The following ATRX variants were observed in gnomAD, a reference collection of about 807,000 sequenced individuals.
ATRX encodes chromatin remodeler ATRX.
A neutral mutation model predicts 172.6 loss-of-function variants in ATRX; 12 were observed. The ratio of observed to expected loss-of-function variants is 0.07; its 90% CI spans 0.04 to 0.11. The LOEUF is 0.11. ATRX is among the 10% of genes least tolerant of loss of function. ATRX has a pLI of 1.00. For missense variants in ATRX, 1,368 were observed against 1,767.4 expected (o/e 0.77, Z 4.05); for synonymous variants, 674 against 594.7 (o/e 1.13, Z -1.94).
At chrX:77,716,663 A>G (rs2073446123) in intron 2 of ATRX, among the ~76,000 whole-genome samples, 1 of 110,784 alleles carries the variant, frequency 9.0e-6, no homozygotes, top group Admixed American at 9.7e-5. Context: ...GAATAGCTTG[A>G]GCCCAAGAGG....
At chrX:77,551,851 C>G (rs1485603959) in intron 30 of ATRX, among the ~76,000 whole-genome samples, 1 of 111,970 alleles carries the variant, frequency 8.9e-6, no homozygotes, top group African/African-American at 3.3e-5. Flanking sequence ...TTTATGCAGC[C>G]AACAGACACA....
chrX:77,516,727 T>C (rs1484989299), intron 34 of ATRX, among the ~76,000 whole-genome samples: 1 of 112,041 alleles, frequency 8.9e-6, no homozygotes. Context: ...TTCTGCACTA[T>C]AGACCAAATA....
chrX:77,670,671 C>A (rs1470913911), intron 10 of ATRX, among the ~76,000 whole-genome samples: 1 of 109,039 alleles, frequency 9.2e-6, no homozygotes, highest in Admixed American at 9.9e-5. Flanking sequence ...AAGTGAATCA[C>A]CTGTACCCAG....
chrX:77,661,512 CTAT>C (rs782540329), intron 12 of ATRX, among the ~76,000 whole-genome samples: 14 of 109,309 alleles, frequency 1.3e-4, no homozygotes, highest in African/African-American at 4.7e-4. Flanking sequence ...CCTTTAGAGC[CTAT>C]TATATTTCCC....
chrX:77,519,612 C>G (rs373212569), intron 34 of ATRX, among the ~76,000 whole-genome samples: 3 of 111,443 alleles, frequency 2.7e-5, no homozygotes, highest in African/African-American at 9.8e-5. Flanking sequence ...GAAATATCAT[C>G]TTACCCCAGT....
intron 7 of ATRX, among the ~76,000 whole-genome samples, chrX:77,687,375 A>AT (rs1259553684): frequency 1.8e-5 from 2 of 111,280 alleles, no homozygotes; most frequent in African/African-American, 6.5e-5. Flanking sequence ...GGTAGGACAT[A>AT]TTATGAGAGA....
chrX:77,769,298 G>C (rs111724184), intron 1 of ATRX, among the ~76,000 whole-genome samples: 1 of 101,684 alleles, frequency 9.8e-6, no homozygotes, highest in Non-Finnish European at 2.0e-5. Flanking sequence ...TTTTTTTTGA[G>C]ACTGAGTCTC....
At position 77,767,263 on chromosome X, in the gene ATRX, G is replaced by A. The variant is rs1281727653; in HGVS notation, c.20+18719C>T. ...AGAGGGAGAGAGGGAGAGAGGGAGAGAGGGAGAGGGGGAGAGGGGGAGAGA... is the reference window on the plus strand; with the variant it reads ...AGAGGGAGAGAGGGAGAGAGGGAGAAAGGGAGAGGGGGAGAGGGGGAGAGA... On this transcript the variant is annotated intron_variant, in intron 1 of 34. Transcript: ENST00000373344. 3.7e-5 allele frequency among the ~76,000 whole-genome samples: 4 copies of A among 108,362 alleles called. No homozygotes were observed. In the East Asian group the frequency reaches 8.9e-4, roughly 24 times the overall value. 94.1% of individuals were successfully genotyped at this position (108,362 alleles called of 115,157 possible).
chrX:77,505,339 GC>G lies in ATRX; in HGVS notation c.*3011del, dbSNP rs2147450041. 2 of 174,482 alleles carry G rather than the reference GC, an allele frequency of 1.1e-5. No individual in the cohort carries two copies. The highest frequency in any genetic ancestry group is 1.6e-4 in the East Asian group (2 of 12,318). The allele number at this position is 174,482 out of a possible 1,213,427, so 14.4% of individuals were successfully genotyped here. A position where few individuals can be genotyped will look rare whatever the true frequency, so the allele number is the denominator to read the frequency against. On this transcript the variant is annotated 3_prime_UTR_variant, in exon 35 of 35. Coordinates refer to ENST00000373344, the MANE Select transcript of ATRX (RefSeq NM_000489.6). ...TACAAAATATTCAGCTCATTTGGAG[GC>G]CAGGTAATAAGGAAGCTTCTGAATG...
At chrX:77,595,133 T>C (rs189689922) in intron 25 of ATRX, 35 of 112,344 alleles carry the variant, frequency 3.1e-4, no homozygotes, top group Non-Finnish European at 5.8e-4. Context: ...GACATACTTA[T>C]AGTCTTTATC....
chrX:77,623,744 T>G (rs1254072068), intron 19 of ATRX, among the ~76,000 whole-genome samples: 1 of 111,774 alleles, frequency 8.9e-6, no homozygotes, highest in Non-Finnish European at 1.9e-5. Context: ...AGGGATGGTT[T>G]AACACATACA....
At chrX:77,648,318 T>C (rs782056798) in intron 15 of ATRX, among the ~76,000 whole-genome samples, 6 of 111,222 alleles carry the variant, frequency 5.4e-5, no homozygotes, top group Non-Finnish European at 7.6e-5. Context: ...AATATAAACA[T>C]TGAACATCCA....
rs2148488446 is a variant in ATRX at position 77,663,463 on chromosome X, C to T, written c.4039G>A (p.Val1347Met). 2 of 1,211,548 alleles carry T rather than the reference C, an allele frequency of 1.7e-6. No homozygotes were observed. The highest frequency in any genetic ancestry group is 2.2e-6 in the Non-Finnish European group (2 of 895,152). The change falls in exon 12 of 35, where the codon GTG (valine) becomes ATG (methionine). Residue 1347 changes from valine to methionine, a missense_variant. This residue lies in a region of ATRX where 119 missense variants were observed against 131.3 expected (regional missense o/e 0.91). Transcript: ENST00000373344. ...RHRLLRHKLTVSDGESGEEKK... is the reference protein window; with the variant it reads ...RHRLLRHKLTMSDGESGEEKK... ...TCTTCTCCAGATTCTCCGTCACTCA[C>T]AGTCAATTTGTGCCGCAAAAGCCTA...
chrX:77,686,342 CAA>C (rs1354124111), intron 7 of ATRX, among the ~76,000 whole-genome samples: 6 of 111,706 alleles, frequency 5.4e-5, no homozygotes, highest in African/African-American at 2.0e-4. Flanking sequence ...CATGAACCCA[CAA>C]AAATTTTAAA....
chrX:77,617,913 C>T (rs1212034558), intron 21 of ATRX, among the ~76,000 whole-genome samples: 1 of 110,048 alleles, frequency 9.1e-6, no homozygotes, highest in Non-Finnish European at 1.9e-5. Context: ...GAGACAGGGT[C>T]TTGCTCTGTC....
At chrX:77,587,646 G>T (rs1410453807) in intron 27 of ATRX, among the ~76,000 whole-genome samples, 1 of 111,779 alleles carries the variant, frequency 8.9e-6, no homozygotes, top group Non-Finnish European at 1.9e-5. Flanking sequence ...AAGCCATTCA[G>T]ATTAGAAAGG....
At position 77,696,622 on chromosome X, in the gene ATRX, T is replaced by C. The variant is rs1557149910; in HGVS notation, c.325A>G (p.Asn109Asp). The change falls in exon 5 of 35, where the codon AAT becomes GAT. Residue 109 changes from asparagine to aspartate, a missense_variant. Asn to Asp is a conservative substitution (Grantham distance 23). Transcript: ENST00000373344. ...GTAATATCATTTTCTGAATTTTCAT[T>C]AGACGCATCTTCATTTACAGTTTCA... The part of the protein sequence containing the change: ...DDETVNEDAS[N>D]ENSENDITMQ... 8.3e-7 allele frequency: 1 copy of C among 1,201,982 alleles called. No homozygotes were observed. Among genetic ancestry groups the C allele is most frequent in the Non-Finnish European group, 1.1e-6 (1 of 886,696 alleles).
chrX:77,714,320 G>A (rs1345965716), intron 2 of ATRX, among the ~76,000 whole-genome samples: 4 of 111,454 alleles, frequency 3.6e-5, no homozygotes, highest in Admixed American at 9.6e-5. Context: ...GTGATAGCCC[G>A]AGAAGGGTCC....
intron 1 of ATRX, among the ~76,000 whole-genome samples, chrX:77,734,838 C>T (rs1557178018): frequency 9.5e-6 from 1 of 105,298 alleles, no homozygotes; most frequent in Non-Finnish European, 1.9e-5. Flanking sequence ...TGGCCCGGCA[C>T]GGTGGCTCAC....
Sources: gnomAD v4.1 joint callset for allele counts (sites outside exome capture counted in the v4.1 genomes callset) on GRCh38, gnomAD v4.1.1 for gene constraint, gnomAD v4.1.1 regional missense constraint, MANE v1.5 for transcripts, NCBI Gene and HGNC (gene_info 2026-07-23, HGNC 2026-07-21) for gene names.